ATP13A3: variants seen among roughly 807,000 people sequenced by gnomAD.
ATP13A3 encodes the protein ATPase 13A3, also known as polyamine-transporting ATPase 13A3.
Under a neutral mutation model 158.1 loss-of-function variants are expected in ATP13A3, and 59 were observed. The ratio of observed to expected loss-of-function variants is 0.37; its 90% CI spans 0.30 to 0.46. ATP13A3 has a LOEUF of 0.46. ATP13A3 is among the 20% of genes least tolerant of loss of function. ATP13A3 has a pLI of 1.00. For missense variants in ATP13A3, 1,166 were observed against 1,525.2 expected (o/e 0.76, Z 3.92); for synonymous variants, 491 against 504.3 (o/e 0.97, Z 0.35).
At chr3:194,430,872 T>A in intron 24 of ATP13A3, 71 bp downstream of exon 24, 1 of 1,220,348 alleles carries the variant, frequency 8.2e-7, no homozygotes, top group Non-Finnish European at 1.1e-6. Flanking sequence ...CATATAAAAA[T>A]TATTTTTCTG....
At chr3:194,407,595 G>A (rs1366189173) in intron 33 of ATP13A3, among the ~76,000 whole-genome samples, 1 of 152,132 alleles carries the variant, frequency 6.6e-6, no homozygotes, top group Non-Finnish European at 1.5e-5. Context: ...AATGTTAAAG[G>A]TCTGCTAGCT....
Position 194,457,148 on chromosome 3 carries a change from G to A in ATP13A3, c.506C>T (p.Thr169Met), listed in dbSNP as rs905912627. The A allele has an allele frequency of 8.1e-6, 13 of 1,613,110 alleles. No homozygotes were observed. The highest frequency in any genetic ancestry group is 1.0e-5 in the Non-Finnish European group (12 of 1,179,502). The change falls in exon 7 of 34, where the codon ACG becomes ATG. Residue 169 changes from threonine (T) to methionine (M), a missense_variant. Transcript: ENST00000645319. Reference protein sequence around the residue: ...LKGLDEGVSCTSIYEKHSAGL... With the variant: ...LKGLDEGVSCMSIYEKHSAGL... ...TGCACTATGCTTTTCATAAATTGACGTACAAGAAACACCTTCATCCAGTCC... is the reference window on the plus strand; with the variant it reads ...TGCACTATGCTTTTCATAAATTGACATACAAGAAACACCTTCATCCAGTCC...
intron 23 of ATP13A3, 33 bp from the exon 24 acceptor site, chr3:194,431,055 C>T: frequency 6.2e-7 from 1 of 1,613,278 alleles, no homozygotes; most frequent in Non-Finnish European, 8.5e-7. Context: ...TTTTAAAATA[C>T]TGTTGCGATG....
chr3:194,459,611 A>G (rs1382604575), intron 5 of ATP13A3, 70 bp from the exon 6 acceptor site: 3 of 1,290,950 alleles, frequency 2.3e-6, no homozygotes, highest in Admixed American at 3.7e-5. Flanking sequence ...TGTTACTTCT[A>G]TTAACAGCTA....
At chr3:194,472,329 C>A (rs1720342779) in intron 2 of ATP13A3, among the ~76,000 whole-genome samples, 1 of 151,818 alleles carries the variant, frequency 6.6e-6, no homozygotes, top group African/African-American at 2.4e-5. Flanking sequence ...TCAACATGAA[C>A]TATGATGCAA....
At chr3:194,481,687 T>C (rs1228445557) in intron 2 of ATP13A3, among the ~76,000 whole-genome samples, 10 of 152,206 alleles carry the variant, frequency 6.6e-5, no homozygotes, top group African/African-American at 2.4e-4. Flanking sequence ...CCAACATCAG[T>C]TACAAGTATT....
intron 33 of ATP13A3, among the ~76,000 whole-genome samples, chr3:194,407,531 T>A (rs1052076482): frequency 1.3e-5 from 2 of 152,142 alleles, no homozygotes; most frequent in African/African-American, 4.8e-5. Context: ...TACCACTCTC[T>A]CCCTCTCCTC....
intron 30 of ATP13A3, among the ~76,000 whole-genome samples, chr3:194,424,628 G>C (rs1716625269): frequency 2.0e-5 from 3 of 152,206 alleles, no homozygotes; most frequent in African/African-American, 7.2e-5. Context: ...AGATACTGCA[G>C]AAGTCTAAAA....
chr3:194,409,535 A>G (rs182264129), intron 33 of ATP13A3, among the ~76,000 whole-genome samples: 85 of 152,276 alleles, frequency 5.6e-4, no homozygotes, highest in African/African-American at 2.0e-3. Context: ...AAATGCTTCT[A>G]AAGAGAAGAT....
At chr3:194,474,611 T>C (rs1720446212) in intron 2 of ATP13A3, among the ~76,000 whole-genome samples, 1 of 152,222 alleles carries the variant, frequency 6.6e-6, no homozygotes, top group African/African-American at 2.4e-5. Flanking sequence ...TTTTGTTGAG[T>C]AATATGTAAA....
chr3:194,421,159 A>AGTTTATATATATATAAAC (rs367707956), intron 30 of ATP13A3, among the ~76,000 whole-genome samples: 1 of 49,374 alleles, frequency 2.0e-5, no homozygotes, highest in African/African-American at 2.1e-4. Context: ...ATATATATAT[A>AGTTTATATATATATAAAC]TATATATATA....
chr3:194,421,243 A>G (rs1471188614), intron 30 of ATP13A3, among the ~76,000 whole-genome samples: 1 of 134,610 alleles, frequency 7.4e-6, no homozygotes, highest in Non-Finnish European at 1.5e-5. Flanking sequence ...ACCATGAGCC[A>G]CTGACCAAAA....
chr3:194,431,293 A>C, intron 22 of ATP13A3, 67 bp from the exon 23 acceptor site: 1 of 1,484,060 alleles, frequency 6.7e-7, no homozygotes, highest in South Asian at 1.3e-5. Context: ...TCTATTTTAA[A>C]CATATTTGTT....
chr3:194,442,342 C>T (rs2108870814), intron 15 of ATP13A3, among the ~76,000 whole-genome samples: 1 of 152,258 alleles, frequency 6.6e-6, no homozygotes, highest in East Asian at 1.9e-4. Flanking sequence ...TGATGCCTGT[C>T]ATCCCGGCAT....
intron 16 of ATP13A3, among the ~76,000 whole-genome samples, chr3:194,440,212 GC>G (rs1717950383): frequency 6.6e-6 from 1 of 152,150 alleles, no homozygotes; most frequent in Non-Finnish European, 1.5e-5. Flanking sequence ...CGAAACAGTA[GC>G]CCAGAACAAA....
At position 194,437,464 on chromosome 3, in the gene ATP13A3, C is replaced by A. The variant is rs747367283; in HGVS notation, c.1846G>T (p.Ala616Ser). 2 of 1,614,050 alleles carry A rather than the reference C, an allele frequency of 1.2e-6. No individual in the cohort carries two copies. Among genetic ancestry groups the A allele is most frequent in the African/African-American group, 2.7e-5 (2 of 75,008 alleles). Residue 616 changes from alanine (A) to serine (S), a missense_variant and splice_region_variant, in exon 19 of 34, where the codon GCT becomes TCT. Around this residue, in one of 3 missense-constraint regions of ATP13A3, gnomAD observed 997 missense variants for 1,341.2 expected, o/e 0.74. Transcript: ENST00000645319. ...CGAACAATTCCTATCTCATAAGTAG[C>A]CTATATCATTTCAAAAGAGGCACAA... ...NQEMELFELPATYEIGIVRQF... is the reference protein window; with the variant it reads ...NQEMELFELPSTYEIGIVRQF...
chr3:194,475,175 A>T (rs1720471713), intron 2 of ATP13A3, among the ~76,000 whole-genome samples: 1 of 152,226 alleles, frequency 6.6e-6, no homozygotes. Context: ...TGTGTTAAAA[A>T]CATATAAACC....
chr3:194,413,708 C>T, intron 32 of ATP13A3, 51 bp downstream of exon 32: 1 of 1,484,990 alleles, frequency 6.7e-7, no homozygotes. Flanking sequence ...CATTAAATCA[C>T]CCAAGAATTC....
chr3:194,424,144 A>G (rs904011866), intron 30 of ATP13A3, among the ~76,000 whole-genome samples: 2 of 151,896 alleles, frequency 1.3e-5, no homozygotes, highest in African/African-American at 4.8e-5. Flanking sequence ...ATCCTGTAGC[A>G]TGGTTCTAAT....
Sources: allele counts gnomAD v4.1 joint callset (sites outside exome capture counted in the v4.1 genomes callset), GRCh38; gene constraint gnomAD v4.1.1; regional missense constraint gnomAD v4.1.1; transcripts MANE v1.5; gene names NCBI Gene and HGNC (gene_info 2026-07-23, HGNC 2026-07-21).